The following CCDC63 variants were observed in gnomAD, a reference collection of about 807,000 sequenced individuals.
CCDC63 encodes the protein coiled-coil domain-containing protein 63.
CCDC63 carries 54 observed loss-of-function variants against 63.6 expected under a neutral mutation model. The observed-to-expected ratio is 0.85, with a 90% CI of 0.68 to 1.07. The LOEUF is 1.07. CCDC63 is among the 50% of genes least tolerant of loss of function. CCDC63 has a pLI of 0.00. For synonymous variants in CCDC63, 253 were observed against 266.1 expected (o/e 0.95, Z 0.48); for missense variants, 637 against 689.6 (o/e 0.92, Z 0.86).
chr12:110,854,033 C>T (rs999130506), intron 3 of CCDC63, among the ~76,000 whole-genome samples: 1 of 152,092 alleles, frequency 6.6e-6, no homozygotes, highest in Non-Finnish European at 1.5e-5. Flanking sequence ...ATAGGCTCAG[C>T]TTGGGTTAGC....
chr12:110,904,544 C>T (rs764804080), intron 10 of CCDC63, 44 bp from the exon 11 acceptor site: 2 of 1,583,258 alleles, frequency 1.3e-6, no homozygotes, highest in East Asian at 2.2e-5. Flanking sequence ...CCCCCAGGCC[C>T]AGGTCTCTCG....
At chr12:110,878,713 G>T (rs1470769047) in intron 5 of CCDC63, among the ~76,000 whole-genome samples, 1 of 152,202 alleles carries the variant, frequency 6.6e-6, no homozygotes, top group Non-Finnish European at 1.5e-5. Flanking sequence ...GACTGCAGAT[G>T]CCCTTACGAG....
intron 4 of CCDC63, among the ~76,000 whole-genome samples, chr12:110,873,122 G>C (rs2071087226): frequency 6.6e-6 from 1 of 152,270 alleles, no homozygotes; most frequent in Middle Eastern, 3.4e-3. Context: ...TTTAGTTCCA[G>C]TTACTCGAGA....
In CCDC63 at chr12:110,884,048, A is replaced by T. The variant is rs1314541879; in HGVS notation, c.872A>T (p.His291Leu). 1.2e-6 allele frequency: 2 copies of T among 1,613,840 alleles called. No homozygotes were observed. Among genetic ancestry groups the T allele is most frequent in the Non-Finnish European group, 1.7e-6 (2 of 1,179,868 alleles). The change falls in exon 8 of 12, where the codon CAT becomes CTT. Residue 291 changes from histidine (H) to leucine (L), a missense_variant. By Grantham distance (99) the His-to-Leu change is moderately conservative. Coordinates refer to ENST00000308208, the MANE Select transcript of CCDC63 (RefSeq NM_152591.3). ...KREEALKAKK[H>L]VKKNRGESFE... Reference sequence around the variant, plus strand: ...TTCCTAGCTCTCAAGGCAAAGAAGCATGTCAAGAAGAACAGGGGAGAGAGT... The same window carrying T: ...TTCCTAGCTCTCAAGGCAAAGAAGCTTGTCAAGAAGAACAGGGGAGAGAGT...
intron 1 of CCDC63, among the ~76,000 whole-genome samples, chr12:110,850,267 C>T (rs2070689625): frequency 6.6e-6 from 1 of 152,200 alleles, no homozygotes; most frequent in Non-Finnish European, 1.5e-5. Flanking sequence ...CAGACTTCCC[C>T]TCTGCTCACA....
chr12:110,878,088 C>T (rs991222827), intron 5 of CCDC63, among the ~76,000 whole-genome samples: 1 of 152,088 alleles, frequency 6.6e-6, no homozygotes, highest in Non-Finnish European at 1.5e-5. Context: ...TTTCACTTAG[C>T]GTAATGTCCT....
Position 110,858,740 on chromosome 12 carries a change from TC to T in CCDC63, c.337del (p.Leu113Ter). 1 of 1,614,002 alleles carries T rather than the reference TC, an allele frequency of 6.2e-7. No individual in the cohort carries two copies. Among genetic ancestry groups the T allele is most frequent in the Non-Finnish European group, 8.5e-7 (1 of 1,179,984 alleles). On this transcript the variant is annotated frameshift_variant, in exon 4 of 12. Coordinates refer to ENST00000308208, the MANE Select transcript of CCDC63 (RefSeq NM_152591.3). LOFTEE classifies it high-confidence loss of function. ...TKEDYEALIK[S>X]LKVLLAELDE... ...GGAGGACTATGAGGCATTGATTAAA[TC>T]CCTGAAAGTGCTGTTGGCTGAACTG...
At chr12:110,900,962 C>T (rs1196578096) in intron 10 of CCDC63, among the ~76,000 whole-genome samples, 1 of 152,120 alleles carries the variant, frequency 6.6e-6, no homozygotes, top group Non-Finnish European at 1.5e-5. Flanking sequence ...AGCCTCCTGG[C>T]CACATTCAGT....
intron 4 of CCDC63, among the ~76,000 whole-genome samples, chr12:110,872,602 G>T (rs1461935647): frequency 3.9e-5 from 6 of 152,290 alleles, no homozygotes; most frequent in African/African-American, 1.4e-4. Flanking sequence ...AATTCTGTGT[G>T]TGTACATAGA....
At chr12:110,863,543 T>A (rs1446617659) in intron 4 of CCDC63, among the ~76,000 whole-genome samples, 2 of 88,538 alleles carry the variant, frequency 2.3e-5, no homozygotes, top group Admixed American at 1.2e-4. Context: ...TCCCAGGGAT[T>A]TTTTTTTTTT....
rs187035534 is a variant in CCDC63 at position 110,882,228 on chromosome 12, T to C, written c.853+932T>C. On this transcript the variant is annotated intron_variant, in intron 7 of 11. Transcript: ENST00000308208. The stretch of plus-strand genomic sequence containing the variant: ...ACACATCATGTCAAGAGTTATCTAC[T>C]AGGCTGGGCATGGTGGCTCATGCCT... 3.4e-3 allele frequency among the ~76,000 whole-genome samples: 514 copies of C among 152,252 alleles called. 1 individual carries two copies. Among genetic ancestry groups the C allele is most frequent in the African/African-American group, 0.011 (460 of 41,550 alleles).
chr12:110,890,543 C>G (rs572757188), intron 8 of CCDC63, among the ~76,000 whole-genome samples: 1 of 152,136 alleles, frequency 6.6e-6, no homozygotes, highest in East Asian at 1.9e-4. Flanking sequence ...GTAAAAGTCA[C>G]CAAGATATCA....
intron 8 of CCDC63, among the ~76,000 whole-genome samples, chr12:110,884,595 C>G (rs1015861425): frequency 3.9e-5 from 6 of 152,200 alleles, no homozygotes; most frequent in South Asian, 2.1e-4. Context: ...AGGCTGGTCT[C>G]GAACTCCTGA....
chr12:110,852,782 G>A (rs900150764), intron 1 of CCDC63, 77 bp from the exon 2 acceptor site: 4 of 864,530 alleles, frequency 4.6e-6, no homozygotes, highest in Middle Eastern at 3.1e-4. Context: ...GGCAGGGGGA[G>A]GGAGGAGGTG....
intron 3 of CCDC63, among the ~76,000 whole-genome samples, chr12:110,855,811 C>G (rs924119702): frequency 7.2e-5 from 11 of 152,074 alleles, no homozygotes; most frequent in Non-Finnish European, 1.5e-4. Flanking sequence ...AAACTCCTGA[C>G]CTCAGGTGAT....
intron 8 of CCDC63, among the ~76,000 whole-genome samples, chr12:110,891,894 G>A (rs899047784): frequency 2.0e-5 from 3 of 152,210 alleles, no homozygotes; most frequent in African/African-American, 7.2e-5. Flanking sequence ...TTGCCGACCT[G>A]TTCTGTTATT....
chr12:110,859,582 G>A (rs899248683), intron 4 of CCDC63, among the ~76,000 whole-genome samples: 8 of 151,876 alleles, frequency 5.3e-5, no homozygotes, highest in African/African-American at 1.9e-4. Context: ...CTGAGATTAC[G>A]GGCGTGAGCC....
At chr12:110,894,479 T>C (rs984880703) in intron 9 of CCDC63, among the ~76,000 whole-genome samples, 4 of 152,188 alleles carry the variant, frequency 2.6e-5, no homozygotes, top group Non-Finnish European at 4.4e-5. Context: ...GCGGCTGTTT[T>C]CTGCTTTTTT....
chr12:110,892,391 C>G (rs2071367974), intron 8 of CCDC63, among the ~76,000 whole-genome samples: 1 of 150,888 alleles, frequency 6.6e-6, no homozygotes, highest in Non-Finnish European at 1.5e-5. Context: ...GCCCGGGCAA[C>G]ATAGTGAGAC....
Sources: gnomAD v4.1 joint callset for allele counts (sites outside exome capture counted in the v4.1 genomes callset) on GRCh38, gnomAD v4.1.1 for gene constraint, MANE v1.5 for transcripts, NCBI Gene and HGNC (gene_info 2026-07-23, HGNC 2026-07-21) for gene names.